GNPTG: variants seen among roughly 807,000 people sequenced by gnomAD.
GNPTG encodes N-acetylglucosamine-1-phosphate transferase subunit gamma, also known as N-acetylglucosamine-1-phosphotransferase subunit gamma.
A neutral mutation model predicts 43.8 loss-of-function variants in GNPTG; 46 were observed. That is an observed-to-expected ratio of 1.05 (90% CI 0.83 to 1.34). The LOEUF (loss-of-function observed/expected upper bound fraction) is 1.34, where lower values mean the gene tolerates loss of function less well. Among genes scored for constraint, GNPTG ranks in the 40% most tolerant of loss-of-function variants. GNPTG has a pLI of 0.00. For synonymous variants in GNPTG, 250 were observed against 172.8 expected (o/e 1.45, Z -3.50); for missense variants, 549 against 411.3 (o/e 1.33, Z -2.90).
intron 3 of GNPTG, 148 bp from the exon 4 acceptor site, chr16:1,361,595 G>A: frequency 1.3e-6 from 1 of 792,050 alleles, no homozygotes; most frequent in Non-Finnish European, 2.1e-6. Flanking sequence ...AGTGAGCCAA[G>A]ATCATGCCAC....
Position 1,361,853 on chromosome 16 carries a change from A to C in GNPTG, c.234-19A>C, listed in dbSNP as rs776752687. 1 of 1,613,926 alleles carries C rather than the reference A, an allele frequency of 6.2e-7. No individual in the cohort carries two copies. Among genetic ancestry groups the C allele is most frequent in the Non-Finnish European group, 8.5e-7 (1 of 1,179,960 alleles). On this transcript the variant is annotated intron_variant, in intron 4 of 10. Coordinates refer to ENST00000204679, the MANE Select transcript of GNPTG (RefSeq NM_032520.5). ...GGGGCGCAGCCTGCGGACCCCCCTC[A>C]TGCCATCTGTGTCCCCAGGTACAAG...
rs1274681600 is a variant in GNPTG, at chr16:1,352,251, G to A, written c.123G>A (p.Pro41=). The A allele has an allele frequency of 4.5e-6, 7 of 1,548,546 alleles. No individual in the cohort carries two copies. Among genetic ancestry groups the A allele is most frequent in the Non-Finnish European group, 5.2e-6 (6 of 1,146,952 alleles). ...EEPNAFGVNN[P]FLPQASRLQA... is the part of the protein sequence containing the mutation. ...CCGCTTCCCGTAGGGTGAACAACCC[G>A]TTCTTGCCTCAGGCCAGTCGCCTCC... Residue 41 remains proline, a synonymous_variant, in exon 3 of 11, where the codon CCG becomes CCA. Coordinates refer to ENST00000204679, the MANE Select transcript of GNPTG (RefSeq NM_032520.5).
intron 3 of GNPTG, among the ~76,000 whole-genome samples, chr16:1,354,296 C>T (rs867823216): frequency 6.6e-6 from 1 of 152,044 alleles, no homozygotes; most frequent in African/African-American, 2.4e-5. Context: ...GGAAAGAAAA[C>T]AGAATATGCT....
chr16:1,361,935 C>A lies in GNPTG; in HGVS notation c.297C>A (p.Asn99Lys), dbSNP rs201045559. The change falls in exon 5 of 11, where the codon AAC becomes AAA. Residue 99 changes from asparagine (N) to lysine (K), a missense_variant. Asn to Lys is a moderately conservative substitution (Grantham distance 94). Transcript: ENST00000204679. ...AGCACGAGCAGACCTTCCGCTGGAA[C>A]GCCTACAGTGGGATCCTCGGGTGAG... ...VTQHEQTFRW[N>K]AYSGILGIWH... 6.2e-7 allele frequency: 1 copy of A among 1,613,646 alleles called. No homozygotes were observed.
chr16:1,358,403 G>C (rs1273196994), intron 3 of GNPTG: 1 of 152,020 alleles, frequency 6.6e-6, no homozygotes, highest in Non-Finnish European at 1.5e-5. Context: ...ACTCCTCTTG[G>C]CACAGTGTCC....
At chr16:1,356,299 C>T (rs531385238) in intron 3 of GNPTG, among the ~76,000 whole-genome samples, 2 of 152,284 alleles carry the variant, frequency 1.3e-5, no homozygotes, top group East Asian at 3.9e-4. Context: ...AGGCCGTGAA[C>T]ACGGAGCCTG....
intron 6 of GNPTG, 22 bp downstream of exon 6, chr16:1,362,153 C>A (rs768465491): frequency 1.2e-6 from 2 of 1,612,582 alleles, no homozygotes; most frequent in Non-Finnish European, 1.7e-6. Flanking sequence ...GACGGGAGCC[C>A]GGGAAGAGGG....
chr16:1,361,821 G>C (rs758065510), intron 4 of GNPTG, 24 bp downstream of exon 4: 1 of 1,613,802 alleles, frequency 6.2e-7, no homozygotes, highest in Admixed American at 1.7e-5. Flanking sequence ...GGGTGCGAGG[G>C]TGGGCTGGGG....
In GNPTG at chr16:1,362,821, G is replaced by T; in HGVS notation, c.742-4G>T. 1 of 1,613,990 alleles carries T rather than the reference G, an allele frequency of 6.2e-7. No individual in the cohort carries two copies. Among genetic ancestry groups the T allele is most frequent in the Middle Eastern group, 1.6e-4 (1 of 6,062 alleles). ...TTCCCTTGAACTCTTTTTGTGGTTG[G>T]TAGGCTCATAAAGAACTCTCAAAGG... On this transcript the variant is annotated splice_polypyrimidine_tract_variant and splice_region_variant and intron_variant, in intron 9 of 10. Transcript: ENST00000204679.
chr16:1,363,248 C>A lies in GNPTG; in HGVS notation c.*157C>A, dbSNP rs947674268. On this transcript the variant is annotated 3_prime_UTR_variant, in exon 11 of 11. Transcript: ENST00000204679. The stretch of plus-strand genomic sequence containing the variant: ...TTAATTCCCATACTGATAAAAATAA[C>A]TCCATGAATTCTGTAAACCATTGCA... 2 of 698,808 alleles carry A rather than the reference C, an allele frequency of 2.9e-6. No individual in the cohort carries two copies. The highest frequency in any genetic ancestry group is 5.1e-6 in the Non-Finnish European group (2 of 395,406). 43.3% of individuals were successfully genotyped at this position (698,808 alleles called of 1,614,324 possible). A position where few individuals can be genotyped will look rare whatever the true frequency, so the allele number is the denominator to read the frequency against.
rs766995250 is a variant in GNPTG at position 1,362,337 on chromosome 16, C to G, written c.526+17C>G. The G allele has an allele frequency of 3.1e-6, 5 of 1,611,274 alleles. No homozygotes were observed. The highest frequency in any genetic ancestry group is 4.2e-6 in the Non-Finnish European group (5 of 1,178,598). On this transcript the variant is annotated intron_variant, in intron 7 of 10. Coordinates refer to ENST00000204679, the MANE Select transcript of GNPTG (RefSeq NM_032520.5). ...CCTTGCTAGGTAGGGGTGCGGGACG[C>G]AGTTGAGCCCAGTGGGGTCAGCCGC...
At position 1,362,831 on chromosome 16, in the gene GNPTG, A is replaced by G. The variant is rs1356476742; in HGVS notation, c.748A>G (p.Lys250Glu). 6.2e-7 allele frequency: 1 copy of G among 1,613,978 alleles called. No homozygotes were observed. The highest frequency in any genetic ancestry group is 8.5e-7 in the Non-Finnish European group (1 of 1,180,004). Reference protein sequence around the residue: ...ETLENCRKAHKELSKEIKRLK... With the variant: ...ETLENCRKAHEELSKEIKRLK... ...CTCTTTTTGTGGTTGGTAGGCTCAT[A>G]AAGAACTCTCAAAGGAGATCAAAAG... The change falls in exon 10 of 11, where the codon AAA becomes GAA. Residue 250 changes from lysine (K) to glutamate (E), a missense_variant. Lys to Glu is a moderately conservative substitution (Grantham distance 56). Coordinates refer to ENST00000204679, the MANE Select transcript of GNPTG (RefSeq NM_032520.5).
chr16:1,357,574 C>G (rs1262322861), intron 3 of GNPTG: 1 of 152,218 alleles, frequency 6.6e-6, no homozygotes, highest in Non-Finnish European at 1.5e-5. Context: ...AGTGCAGTGG[C>G]GCGATCTCGG....
chr16:1,360,368 T>G (rs760554399), intron 3 of GNPTG, among the ~76,000 whole-genome samples: 3 of 152,176 alleles, frequency 2.0e-5, no homozygotes, highest in Non-Finnish European at 4.4e-5. Flanking sequence ...CTCACACCTG[T>G]AATCCCAGCA....
Position 1,351,947 on chromosome 16 carries a change from C to A in GNPTG, c.-19C>A. The A allele has an allele frequency of 7.8e-7, 1 of 1,279,496 alleles. No homozygotes were observed. 79.3% of individuals were successfully genotyped at this position (1,279,496 alleles called of 1,614,324 possible). ...GTGACCGTCACTTCACGTGACCGCG[C>A]GGCGGCCGCTGCGGCGCGATGGCGG... On this transcript the variant is annotated 5_prime_UTR_variant, in exon 1 of 11. Coordinates refer to ENST00000204679, the MANE Select transcript of GNPTG (RefSeq NM_032520.5).
At chr16:1,354,608 A>AAC (rs1265162358) in intron 3 of GNPTG, among the ~76,000 whole-genome samples, 30 of 149,194 alleles carry the variant, frequency 2.0e-4, no homozygotes, top group South Asian at 1.3e-3. Context: ...AAAAAAAAAA[A>AAC]ACCCATAAAA....
Position 1,362,375 on chromosome 16 carries a change from G to A in GNPTG, c.526+55G>A, listed in dbSNP as rs984448676. 4.4e-6 allele frequency: 7 copies of A among 1,608,854 alleles called. No individual in the cohort carries two copies. In the Admixed American group the frequency reaches 5.0e-5, roughly 12 times the overall value. On this transcript the variant is annotated intron_variant, in intron 7 of 10. Coordinates refer to ENST00000204679, the MANE Select transcript of GNPTG (RefSeq NM_032520.5). ...TGGGGTCAGCCGCGCACGCAGCCCT[G>A]CTGGAGGCCCTGTAGTGCTGGGGGC... is the stretch of plus-strand genomic sequence containing the variant.
At chr16:1,355,339 G>C (rs940978117) in intron 3 of GNPTG, among the ~76,000 whole-genome samples, 1 of 152,212 alleles carries the variant, frequency 6.6e-6, no homozygotes, top group Non-Finnish European at 1.5e-5. Flanking sequence ...GTGGTCTGTG[G>C]AATGAGCTGA....
Position 1,362,896 on chromosome 16 carries a change from G to A in GNPTG, c.813G>A (p.Thr271=), listed in dbSNP as rs377647926. Residue 271 remains threonine, a synonymous_variant, in exon 10 of 11, where the codon ACG becomes ACA. Coordinates refer to ENST00000204679, the MANE Select transcript of GNPTG (RefSeq NM_032520.5). Reference sequence around the variant, plus strand: ...TCACCCAGCACGGCATCCCCTACACGAGGCCCACAGGTGAGTCACCTGTGG... The same window carrying A: ...TCACCCAGCACGGCATCCCCTACACAAGGCCCACAGGTGAGTCACCTGTGG... ...GLLTQHGIPY[T]RPTETSNLEH... The A allele has an allele frequency of 5.6e-6, 9 of 1,613,978 alleles. No individual in the cohort carries two copies. The highest frequency in any genetic ancestry group is 2.2e-5 in the East Asian group (1 of 44,890).
Sources: allele counts gnomAD v4.1 joint callset (sites outside exome capture counted in the v4.1 genomes callset), GRCh38; gene constraint gnomAD v4.1.1; transcripts MANE v1.5; gene names NCBI Gene and HGNC (gene_info 2026-07-23, HGNC 2026-07-21).